The following MID1 variants were observed in gnomAD, a reference collection of about 807,000 sequenced individuals.
MID1 encodes midline 1.
A neutral mutation model predicts 40.4 loss-of-function variants in MID1; 7 were observed. The ratio of observed to expected loss-of-function variants is 0.17; its 90% CI spans 0.10 to 0.33. The LOEUF is 0.33. MID1 is among the 10% of genes least tolerant of loss of function. The pLI is 1.00. For synonymous variants in MID1, 229 were observed against 221.2 expected, an observed-to-expected ratio of 1.04 and a Z score of -0.31; for missense variants, 367 against 558.5, an observed-to-expected ratio of 0.66 and a Z score of 3.46.
chrX:10,478,276 G>C (rs966737674), intron 5 of MID1, among the ~76,000 whole-genome samples: 1 of 112,260 alleles, frequency 8.9e-6, no homozygotes. Flanking sequence ...CTATCTACTA[G>C]TGTAGCTTGA....
chrX:10,478,618 A>AT (rs1930142359), intron 5 of MID1, among the ~76,000 whole-genome samples: 1 of 112,109 alleles, frequency 8.9e-6, no homozygotes, highest in Non-Finnish European at 1.9e-5. Flanking sequence ...TGCTATCTAT[A>AT]ATTACTAAGC....
intron 1 of MID1, among the ~76,000 whole-genome samples, chrX:10,785,778 A>C (rs2043878251): frequency 8.9e-6 from 1 of 112,015 alleles, no homozygotes. Flanking sequence ...AGAAAGCTGA[A>C]ACTGGATCCC....
At chrX:10,806,539 A>T (rs1052694589) in intron 1 of MID1, among the ~76,000 whole-genome samples, 3 of 111,884 alleles carry the variant, frequency 2.7e-5, no homozygotes, top group African/African-American at 9.7e-5. Context: ...GGCGGGATTG[A>T]TGACTGACAT....
At chrX:10,716,172 C>G (rs2043301644) in intron 1 of MID1, among the ~76,000 whole-genome samples, 1 of 112,141 alleles carries the variant, frequency 8.9e-6, no homozygotes, top group African/African-American at 3.2e-5. Context: ...TCCTCACCAG[C>G]AATGGAACAA....
At chrX:10,766,498 T>G (rs763672701) in intron 1 of MID1, among the ~76,000 whole-genome samples, 3 of 112,264 alleles carry the variant, frequency 2.7e-5, no homozygotes, top group Middle Eastern at 4.6e-3. Flanking sequence ...TTGAGATTTC[T>G]TCAGAATACA....
chrX:10,545,257 C>T (rs746475578), intron 2 of MID1, among the ~76,000 whole-genome samples: 44 of 112,237 alleles, frequency 3.9e-4, no homozygotes, highest in Non-Finnish European at 5.4e-4. Context: ...CCACCACACC[C>T]GGCTTCAAAG....
chrX:10,469,701 G>A lies in MID1; in HGVS notation c.1281C>T (p.Val427=), dbSNP rs1346931272. The change falls in exon 7 of 10, where the codon GTC becomes GTT. Residue 427 remains valine, a synonymous_variant. Transcript: ENST00000317552. ...AATAGGCCATGAGATACTCACTAACGACGTTGGCTTGTCCGGTGAATATGG... is the reference window on the plus strand; with the variant it reads ...AATAGGCCATGAGATACTCACTAACAACGTTGGCTTGTCCGGTGAATATGG... The part of the protein sequence containing the change: ...QYTIFTGQAN[V]VSLCNSADSW... 3 of 1,211,480 alleles carry A rather than the reference G, an allele frequency of 2.5e-6. No individual in the cohort carries two copies. Among genetic ancestry groups the A allele is most frequent in the South Asian group, 3.5e-5 (2 of 56,990 alleles).
intron 2 of MID1, among the ~76,000 whole-genome samples, chrX:10,565,008 A>G (rs1191375501): frequency 8.2e-5 from 9 of 110,135 alleles, no homozygotes; most frequent in Non-Finnish European, 1.7e-4. Flanking sequence ...GGGGTAAAAA[A>G]AAAAAAAAAA....
At chrX:10,717,318 C>T (rs151110013) in intron 1 of MID1, among the ~76,000 whole-genome samples, 4,102 of 105,751 alleles carry the variant, frequency 0.039, 95 homozygotes, top group African/African-American at 0.085. Context: ...TGCAGAGATA[C>T]ACATAGGCTC....
chrX:10,692,104 G>A (rs1033125039), intron 1 of MID1, among the ~76,000 whole-genome samples: 2 of 111,750 alleles, frequency 1.8e-5, no homozygotes, highest in African/African-American at 6.5e-5. Flanking sequence ...GCGGGACATG[G>A]ACCCTCATCA....
At chrX:10,710,942 A>G (rs947076242) in intron 1 of MID1, among the ~76,000 whole-genome samples, 1 of 111,463 alleles carries the variant, frequency 9.0e-6, no homozygotes, top group Admixed American at 9.6e-5. Context: ...TGTCACCATA[A>G]CTGTGGGAGA....
At chrX:10,591,324 C>T (rs978269069) in intron 1 of MID1, among the ~76,000 whole-genome samples, 1 of 112,327 alleles carries the variant, frequency 8.9e-6, no homozygotes, top group Non-Finnish European at 1.9e-5. Context: ...TACGTAGCTC[C>T]TTTAGCTTGT....
chrX:10,807,063 G>A (rs1336305124), intron 1 of MID1, among the ~76,000 whole-genome samples: 1 of 111,152 alleles, frequency 9.0e-6, no homozygotes, highest in Non-Finnish European at 1.9e-5. Context: ...GGCCAACATG[G>A]TGAAACCCCG....
chrX:10,618,753 C>T (rs1384635733), intron 1 of MID1, among the ~76,000 whole-genome samples: 1 of 111,684 alleles, frequency 9.0e-6, no homozygotes, highest in Non-Finnish European at 1.9e-5. Flanking sequence ...GCCATGGTTC[C>T]TGAGGAATTG....
intron 1 of MID1, among the ~76,000 whole-genome samples, chrX:10,754,309 G>GTTTTTTTTTTTTTT (rs200251008): frequency 6.1e-4 from 64 of 104,528 alleles, no homozygotes; most frequent in African/African-American, 2.5e-3. Context: ...GTTTTTTTTT[G>GTTTTTTTTTTTTTT]TTTTTTGTTT....
intron 1 of MID1, among the ~76,000 whole-genome samples, chrX:10,659,569 C>T (rs767451175): frequency 9.0e-6 from 1 of 111,701 alleles, no homozygotes; most frequent in Non-Finnish European, 1.9e-5. Context: ...ACTGTTATCA[C>T]TTATCATTAA....
chrX:10,492,879 A>AACG (rs1439430322), intron 4 of MID1, among the ~76,000 whole-genome samples: 1 of 112,023 alleles, frequency 8.9e-6, no homozygotes, highest in Admixed American at 9.5e-5. Context: ...TTTGGGGTAG[A>AACG]ACGAGTGCAC....
intron 1 of MID1, among the ~76,000 whole-genome samples, chrX:10,746,794 GTAT>G (rs979914535): frequency 4.6e-5 from 5 of 108,079 alleles, no homozygotes; most frequent in Non-Finnish European, 7.6e-5. Context: ...TAATAAGTAA[GTAT>G]TATTATTATT....
In MID1 at chrX:10,487,619, C is replaced by T. The variant is rs189534081; in HGVS notation, c.865-4991G>A. Reference sequence around the variant, plus strand: ...TATCATGCCCCACAATTTACTCCTGCCCCTTTGTAATTAACTGTGCCCATC... The same window carrying T: ...TATCATGCCCCACAATTTACTCCTGTCCCTTTGTAATTAACTGTGCCCATC... On this transcript the variant is annotated intron_variant, in intron 4 of 9. Coordinates refer to ENST00000317552, the MANE Select transcript of MID1 (RefSeq NM_000381.4). 5.4e-5 allele frequency among the ~76,000 whole-genome samples: 6 copies of T among 111,461 alleles called. No individual in the cohort carries two copies. The Admixed American group carries it at 5.7e-4, about 11-fold the overall frequency.
Sources: gnomAD v4.1 joint callset for allele counts (sites outside exome capture counted in the v4.1 genomes callset) on GRCh38, gnomAD v4.1.1 for gene constraint, MANE v1.5 for transcripts, NCBI Gene and HGNC (gene_info 2026-07-23, HGNC 2026-07-21) for gene names.